The following TMPRSS3 variants were observed in gnomAD, a reference collection of about 807,000 sequenced individuals.
The protein encoded by TMPRSS3 is transmembrane serine protease 3.
TMPRSS3 carries 55 observed loss-of-function variants against 59.6 expected under a neutral mutation model. The observed-to-expected ratio is 0.92, with a 90% CI of 0.74 to 1.16. The LOEUF is 1.16. Ranked by LOEUF, TMPRSS3 falls within the 50% of genes most tolerant of loss-of-function variation. The probability of loss-of-function intolerance (pLI) is 0.00; values close to 1 mark genes in which losing one functional copy is unlikely to be tolerated. For synonymous variants in TMPRSS3, 257 were observed against 237.7 expected (o/e 1.08, Z -0.75); for missense variants, 596 against 579.4 (o/e 1.03, Z -0.29).
At chr21:42,373,114 G>C (rs2052363083) in intron 12 of TMPRSS3, among the ~76,000 whole-genome samples, 1 of 152,172 alleles carries the variant, frequency 6.6e-6, no homozygotes, top group African/African-American at 2.4e-5. Flanking sequence ...ATAGAGAAAA[G>C]TGCTGGATGA....
intron 12 of TMPRSS3, 94 bp from the exon 13 acceptor site, chr21:42,372,873 G>T: frequency 1.4e-6 from 2 of 1,457,822 alleles, no homozygotes; most frequent in Non-Finnish European, 9.6e-7. Context: ...TGCCCTGTGG[G>T]AATTGTGGGG....
At chr21:42,385,021 TA>T in intron 6 of TMPRSS3, among the ~76,000 whole-genome samples, 1 of 67,334 alleles carries the variant, frequency 1.5e-5, no homozygotes, top group Non-Finnish European at 2.7e-5. Context: ...TTCTTCCTTT[TA>T]CCCTCCCTCT....
At chr21:42,381,373 T>C (rs999513322) in intron 9 of TMPRSS3, among the ~76,000 whole-genome samples, 10 of 152,108 alleles carry the variant, frequency 6.6e-5, no homozygotes, top group African/African-American at 2.4e-4. Context: ...TTTCAGCTTG[T>C]AAAGAAATGA....
In TMPRSS3 at chr21:42,380,161, C is replaced by G. The variant is rs369161852; in HGVS notation, c.1004G>C (p.Gly335Ala). Residue 335 changes from glycine (G) to alanine (A), a missense_variant, in exon 10 of 13, where the codon GGA (glycine) becomes GCA (alanine). Gly to Ala is a moderately conservative substitution (Grantham distance 60, BLOSUM62 0). Transcript: ENST00000644384. ...LPNSEENFPD[G>A]KVCWTSGWGA... Reference sequence around the variant, plus strand: ...CCATCCTGACGTCCAGCACACTTTTCCATCGGGGAAGTTCTCTTCAGAGTT... The same window carrying G: ...CCATCCTGACGTCCAGCACACTTTTGCATCGGGGAAGTTCTCTTCAGAGTT... 184 of 1,614,088 alleles carry G rather than the reference C, an allele frequency of 1.1e-4. No individual in the cohort carries two copies. The highest frequency in any genetic ancestry group is 1.5e-4 in the Non-Finnish European group (175 of 1,180,040).
chr21:42,389,254 T>G (rs868211818), intron 3 of TMPRSS3: 2 of 968,894 alleles, frequency 2.1e-6, no homozygotes, highest in East Asian at 2.7e-5. Context: ...TTTATCTCGC[T>G]ATGTGGCCTG....
At position 42,380,808 on chromosome 21, in the gene TMPRSS3, G is replaced by C. The variant is rs566677509; in HGVS notation, c.953-596C>G. Among the ~76,000 whole-genome samples, 27 of 152,376 alleles carry C rather than the reference G, an allele frequency of 1.8e-4. 1 individual carries two copies. The East Asian group carries it at 5.0e-3, about 28-fold the overall frequency. ...CCAGAGTGCCCTGCACATACCTCGG[G>C]CTTTCGTGTGAACACACCCTGAGGT... On this transcript the variant is annotated intron_variant, in intron 9 of 12. Coordinates refer to ENST00000644384, the MANE Select transcript of TMPRSS3 (RefSeq NM_001256317.3).
chr21:42,380,026 G>T, intron 10 of TMPRSS3, 91 bp downstream of exon 10: 1 of 1,083,910 alleles, frequency 9.2e-7, no homozygotes. Flanking sequence ...CAGCCCATGG[G>T]AACATCACAA....
intron 10 of TMPRSS3, among the ~76,000 whole-genome samples, chr21:42,378,568 G>A (rs978647090): frequency 1.5e-4 from 23 of 152,200 alleles, no homozygotes; most frequent in Non-Finnish European, 5.9e-5. Flanking sequence ...GAAGGAGGCT[G>A]AGGCTGGAGA....
At chr21:42,378,421 T>C (rs1302514092) in intron 10 of TMPRSS3, among the ~76,000 whole-genome samples, 4 of 152,170 alleles carry the variant, frequency 2.6e-5, no homozygotes, top group African/African-American at 7.2e-5. Flanking sequence ...TCTTTGCAGA[T>C]GTAATTAAGG....
chr21:42,380,041 A>T, intron 10 of TMPRSS3, 76 bp downstream of exon 10: 2 of 1,229,040 alleles, frequency 1.6e-6, no homozygotes, highest in Non-Finnish European at 2.4e-6. Flanking sequence ...TCACAATGGG[A>T]CATTGGGGGA....
rs1215015393 is a variant in TMPRSS3 at position 42,375,864 on chromosome 21, T to TC, written c.1195dup (p.Asp399GlyfsTer68). ...TTGACACACCAGGGGCCCCCCGCTG[T>TC]CCCCCTGGGTGACAGGAAAGAAGCA... On this transcript the variant is annotated frameshift_variant, in exon 12 of 13. Coordinates refer to ENST00000644384, the MANE Select transcript of TMPRSS3 (RefSeq NM_001256317.3). LOFTEE classifies it high-confidence loss of function. 2 of 1,613,084 alleles carry TC rather than the reference T, an allele frequency of 1.2e-6. No homozygotes were observed. Among genetic ancestry groups the TC allele is most frequent in the Non-Finnish European group, 8.5e-7 (1 of 1,179,918 alleles).
rs1367080666 is a variant in TMPRSS3, at chr21:42,371,902, A to T, written c.*860T>A. The T allele has an allele frequency of 2.2e-6, 1 of 453,378 alleles. No individual in the cohort carries two copies. Among genetic ancestry groups the T allele is most frequent in the Non-Finnish European group, 4.4e-6 (1 of 225,766 alleles). 28.1% of individuals were successfully genotyped at this position (453,378 alleles called of 1,614,324 possible). ...ACACGCCAGACAATGAGGGAAGGAAACATATTATTTGGAATCAAAGGACAA... is the reference window on the plus strand; with the variant it reads ...ACACGCCAGACAATGAGGGAAGGAATCATATTATTTGGAATCAAAGGACAA... On this transcript the variant is annotated 3_prime_UTR_variant, in exon 13 of 13. Transcript: ENST00000644384.
Position 42,388,950 on chromosome 21 carries a change from C to G in TMPRSS3, c.301G>C (p.Gly101Arg), listed in dbSNP as rs746713644. 7 of 1,614,042 alleles carry G rather than the reference C, an allele frequency of 4.3e-6. No individual in the cohort carries two copies. The highest frequency in any genetic ancestry group is 1.7e-5 in the Admixed American group (1 of 60,012). The change falls in exon 4 of 13, where the codon GGG (glycine) becomes CGG (arginine). Residue 101 changes from glycine to arginine, a missense_variant. Coordinates refer to ENST00000644384, the MANE Select transcript of TMPRSS3 (RefSeq NM_001256317.3). This position sits in a 1 kb window ranked among gnomAD's most constrained non-coding sequence, Gnocchi z 5.1. Reference protein sequence around the residue: ...RCDGVSDCKDGEDEYRCVRVG... With the variant: ...RCDGVSDCKDREDEYRCVRVG... ...TTACCACAGCGGTACTCGTCCTCCC[C>G]GTCTTTGCAATCCGAGACTCCGTCA... is the stretch of plus-strand genomic sequence containing the variant.
intron 3 of TMPRSS3, among the ~76,000 whole-genome samples, 184 bp downstream of exon 3, chr21:42,389,743 A>T (rs2052702510): frequency 6.6e-6 from 1 of 152,206 alleles, no homozygotes; most frequent in Non-Finnish European, 1.5e-5. Flanking sequence ...CCCTTGCGGC[A>T]CCCCAGACTG....
intron 3 of TMPRSS3, 152 bp from the exon 4 acceptor site, chr21:42,389,197 C>A (rs909633730): frequency 3.3e-6 from 5 of 1,493,588 alleles, no homozygotes; most frequent in Non-Finnish European, 4.5e-6. Flanking sequence ...TTTCCTGCAG[C>A]CCAGTTTCTG....
At chr21:42,382,696 C>T in intron 8 of TMPRSS3, 1 of 438,440 alleles carries the variant, frequency 2.3e-6, no homozygotes, top group South Asian at 2.2e-5. Flanking sequence ...CCGTCTCACC[C>T]TGTCTCTGCC....
chr21:42,376,476 G>T, intron 11 of TMPRSS3, 65 bp downstream of exon 11: 1 of 1,605,468 alleles, frequency 6.2e-7, no homozygotes, highest in Non-Finnish European at 8.5e-7. Flanking sequence ...GGAAACGCTG[G>T]CAACGACCTG....
intron 5 of TMPRSS3, among the ~76,000 whole-genome samples, chr21:42,386,968 G>A (rs1713989779): frequency 6.6e-6 from 1 of 152,116 alleles, no homozygotes; most frequent in Admixed American, 6.5e-5. Flanking sequence ...AAGAAAGTAG[G>A]CAATATTGGG....
intron 9 of TMPRSS3, among the ~76,000 whole-genome samples, chr21:42,380,547 GC>G (rs1393522818): frequency 6.6e-6 from 1 of 152,230 alleles, no homozygotes; most frequent in African/African-American, 2.4e-5. Flanking sequence ...CATGAAGACA[GC>G]CCCAGGTAAC....
Sources: gnomAD v4.1 joint callset for allele counts (sites outside exome capture counted in the v4.1 genomes callset) on GRCh38, gnomAD v4.1.1 for gene constraint, Gnocchi (gnomAD v3.1) non-coding constraint, MANE v1.5 for transcripts, NCBI Gene and HGNC (gene_info 2026-07-23, HGNC 2026-07-21) for gene names.